The following TULP4 variants were observed in gnomAD, a reference collection of about 807,000 sequenced individuals.
TULP4 encodes the protein tubby-related protein 4.
Under a neutral mutation model 129.0 loss-of-function variants are expected in TULP4, and 16 were observed. That is an observed-to-expected ratio of 0.12 (90% CI 0.08 to 0.19). TULP4 has a LOEUF of 0.19. TULP4 is among the 10% of genes least tolerant of loss of function. The pLI is 1.00. For missense variants in TULP4, 1,842 were observed against 2,059.1 expected, an observed-to-expected ratio of 0.89 and a Z score of 2.04; for synonymous variants, 998 against 854.0, an observed-to-expected ratio of 1.17 and a Z score of -2.94.
At chr6:158,360,815 C>T (rs1780769283) in intron 1 of TULP4, among the ~76,000 whole-genome samples, 1 of 152,180 alleles carries the variant, frequency 6.6e-6, no homozygotes, top group South Asian at 2.1e-4. Context: ...CATGCTCTGT[C>T]ATGTATAATG....
chr6:158,284,594 A>G (rs553031845), intron 1 of TULP4, among the ~76,000 whole-genome samples: 2 of 152,322 alleles, frequency 1.3e-5, no homozygotes, highest in African/African-American at 4.8e-5. Context: ...CTGACCACCC[A>G]TTATATACTG....
intron 1 of TULP4, among the ~76,000 whole-genome samples, chr6:158,348,266 T>A (rs964939391): frequency 2.7e-5 from 4 of 147,680 alleles, no homozygotes; most frequent in Non-Finnish European, 4.4e-5. Flanking sequence ...GGAGAGAAGG[T>A]CAGCAGATAA....
chr6:158,241,214 C>G (rs1262010491), intron 1 of TULP4, among the ~76,000 whole-genome samples: 1 of 128,656 alleles, frequency 7.8e-6, no homozygotes, highest in Non-Finnish European at 1.7e-5. Flanking sequence ...GCGCTCCTCA[C>G]TTCCTAGATG....
chr6:158,408,802 G>C (rs551691739), intron 1 of TULP4, among the ~76,000 whole-genome samples: 1 of 152,216 alleles, frequency 6.6e-6, no homozygotes, highest in Non-Finnish European at 1.5e-5. Flanking sequence ...CTTTTGGTTC[G>C]TTAAAATGAC....
Position 158,502,999 on chromosome 6 carries a change from T to C in TULP4, c.3336T>C (p.Ala1112=). Residue 1112 remains alanine, a synonymous_variant, in exon 13 of 14, where the codon GCT becomes GCC. Coordinates refer to ENST00000367097, the MANE Select transcript of TULP4 (RefSeq NM_020245.5). ...KPLRHPPLPE[A]AVTLKRPPPY... ...TGAGGCACCCTCCCCTGCCTGAAGCTGCTGTCACCCTGAAACGGCCACCCC... is the reference window on the plus strand; with the variant it reads ...TGAGGCACCCTCCCCTGCCTGAAGCCGCTGTCACCCTGAAACGGCCACCCC... 1 of 1,614,072 alleles carries C rather than the reference T, an allele frequency of 6.2e-7. No individual in the cohort carries two copies. Among genetic ancestry groups the C allele is most frequent in the Non-Finnish European group, 8.5e-7 (1 of 1,180,002 alleles).
intron 1 of TULP4, among the ~76,000 whole-genome samples, chr6:158,367,785 A>G (rs1776956752): frequency 6.6e-6 from 1 of 152,082 alleles, no homozygotes; most frequent in African/African-American, 2.4e-5. Flanking sequence ...TCACACCTAC[A>G]ATCCCAGCAC....
intron 1 of TULP4, among the ~76,000 whole-genome samples, chr6:158,287,904 A>G (rs570184079): frequency 7.7e-4 from 117 of 152,318 alleles, no homozygotes; most frequent in African/African-American, 2.6e-3. Context: ...TTAGCCAGTG[A>G]ATGTGACCAA....
rs201178785 is a variant in TULP4 at position 158,449,112 on chromosome 6, G to A, written c.660G>A (p.Pro220=). The A allele has an allele frequency of 1.2e-5, 20 of 1,614,096 alleles. No individual in the cohort carries two copies. The East Asian group carries it at 1.8e-4, about 14-fold the overall frequency. Residue 220 remains proline (P), a synonymous_variant, in exon 4 of 14, where the codon CCG becomes CCA. Coordinates refer to ENST00000367097, the MANE Select transcript of TULP4 (RefSeq NM_020245.5). ...DGVLGMSWNY[P]IFLVEDSSES... ...TCCTCGGCATGTCCTGGAACTACCC[G>A]ATCTTCCTGGTGGAGGACAGCAGCG... is the stretch of plus-strand genomic sequence containing the variant.
chr6:158,434,145 C>T (rs1297396280), intron 3 of TULP4, among the ~76,000 whole-genome samples: 1 of 152,170 alleles, frequency 6.6e-6, no homozygotes, highest in African/African-American at 2.4e-5. Flanking sequence ...CCCATATTAC[C>T]TCATTTAACT....
chr6:158,323,293 A>G (rs1047380338), intron 1 of TULP4, among the ~76,000 whole-genome samples: 3 of 152,202 alleles, frequency 2.0e-5, no homozygotes, highest in Non-Finnish European at 2.9e-5. Context: ...TTTCCATGGC[A>G]GATGGTTAAA....
chr6:158,299,925 G>A (rs1779104112), intron 1 of TULP4, among the ~76,000 whole-genome samples: 1 of 152,162 alleles, frequency 6.6e-6, no homozygotes, highest in South Asian at 2.1e-4. Context: ...GAAGAACAGG[G>A]GGATGTTATT....
chr6:158,316,397 A>G (rs926472752), intron 1 of TULP4, among the ~76,000 whole-genome samples: 1 of 152,246 alleles, frequency 6.6e-6, no homozygotes, highest in East Asian at 1.9e-4. Flanking sequence ...TTTTAGTTGT[A>G]AGGCCAAGAG....
At chr6:158,276,073 G>A (rs139359012) in intron 1 of TULP4, among the ~76,000 whole-genome samples, 5 of 152,136 alleles carry the variant, frequency 3.3e-5, no homozygotes, top group South Asian at 2.1e-4. Flanking sequence ...GAGTTTAAGC[G>A]ACTCTCCTGT....
intron 5 of TULP4, among the ~76,000 whole-genome samples, chr6:158,458,520 G>A (rs1779345641): frequency 6.6e-6 from 1 of 152,184 alleles, no homozygotes; most frequent in East Asian, 1.9e-4. Context: ...ACTGAGTAGA[G>A]CATTAGTTTG....
chr6:158,365,299 G>A (rs1054700426), intron 1 of TULP4, among the ~76,000 whole-genome samples: 4 of 151,586 alleles, frequency 2.6e-5, no homozygotes, highest in Admixed American at 6.6e-5. Context: ...CTCGTTTACT[G>A]TGCTTGGTGT....
At chr6:158,438,735 C>T (rs1778812154) in intron 3 of TULP4, among the ~76,000 whole-genome samples, 1 of 152,092 alleles carries the variant, frequency 6.6e-6, no homozygotes, top group Non-Finnish European at 1.5e-5. Flanking sequence ...CAGGCACGCA[C>T]CACCATACCT....
At position 158,503,155 on chromosome 6, in the gene TULP4, C is replaced by T; in HGVS notation, c.3492C>T (p.Ser1164=). ...GTCAGGGCCAGCACCTGGACGTGTC[C>T]CGACTGCCCTTCATCTCCCCCAAGT... ...MLSQGQHLDV[S]RLPFISPKSP... The change falls in exon 13 of 14, where the codon TCC becomes TCT. Residue 1164 remains serine (S), a synonymous_variant. Coordinates refer to ENST00000367097, the MANE Select transcript of TULP4 (RefSeq NM_020245.5). The surrounding 1 kb of genome is among the most constrained non-coding windows in gnomAD (Gnocchi z 4.3). 1 of 1,613,394 alleles carries T rather than the reference C, an allele frequency of 6.2e-7. No individual in the cohort carries two copies. The highest frequency in any genetic ancestry group is 8.5e-7 in the Non-Finnish European group (1 of 1,179,552).
chr6:158,492,917 A>C (rs1398661942), intron 9 of TULP4, among the ~76,000 whole-genome samples: 1 of 152,246 alleles, frequency 6.6e-6, no homozygotes, highest in Non-Finnish European at 1.5e-5. Flanking sequence ...AAGGCAGCCA[A>C]AAAACTTTAC....
chr6:158,329,994 CAT>C (rs1239758588), intron 1 of TULP4, among the ~76,000 whole-genome samples: 1 of 150,302 alleles, frequency 6.7e-6, no homozygotes, highest in African/African-American at 2.4e-5. Context: ...ATATTAACCA[CAT>C]ATGTAATATT....
Sources: gnomAD v4.1 joint callset for allele counts (sites outside exome capture counted in the v4.1 genomes callset) on GRCh38, gnomAD v4.1.1 for gene constraint, Gnocchi (gnomAD v3.1) non-coding constraint, MANE v1.5 for transcripts, NCBI Gene and HGNC (gene_info 2026-07-23, HGNC 2026-07-21) for gene names.